The following CEMIP2 variants were observed in gnomAD, a reference collection of about 807,000 sequenced individuals.
CEMIP2 encodes cell migration inducing hyaluronidase 2.
In CEMIP2, 79 loss-of-function variants were observed where a neutral mutation model predicts 146.9. That is an observed-to-expected ratio of 0.54 (90% CI 0.45 to 0.65). CEMIP2 has a LOEUF of 0.65. Among genes scored for constraint, CEMIP2 ranks in the 30% least tolerant of loss-of-function variants. CEMIP2 has a pLI of 0.00. For missense variants in CEMIP2, 1,596 were observed against 1,696.2 expected, an observed-to-expected ratio of 0.94 and a Z score of 1.04; for synonymous variants, 601 against 606.3, an observed-to-expected ratio of 0.99 and a Z score of 0.13.
At chr9:71,697,872 A>C in intron 20 of CEMIP2, 113 bp downstream of exon 20, 2 of 1,079,018 alleles carry the variant, frequency 1.9e-6, no homozygotes, top group Non-Finnish European at 2.6e-6. Context: ...AGGAGATGCC[A>C]TGCAATGTCC....
intron 1 of CEMIP2, among the ~76,000 whole-genome samples, chr9:71,766,802 TTA>T (rs1352043076): frequency 1.3e-5 from 2 of 152,148 alleles, no homozygotes; most frequent in East Asian, 3.8e-4. Context: ...GCTTCTAATC[TTA>T]GTTTTCTGAG....
Position 71,685,769 on chromosome 9 carries a change from G to A in CEMIP2, c.3929C>T (p.Ala1310Val). 1 of 1,613,892 alleles carries A rather than the reference G, an allele frequency of 6.2e-7. No homozygotes were observed. Among genetic ancestry groups the A allele is most frequent in the Non-Finnish European group, 8.5e-7 (1 of 1,179,854 alleles). ...ISHLLVPLGL[A>V]KPAHLYDKGS... ...TTTGTCATAAAGATGAGCTGGTTTG[G>A]CTAATCCCAGAGGTACTAGTAAGTG... The change falls in exon 23 of 24, where the codon GCC (alanine) becomes GTC (valine). Residue 1310 changes from alanine to valine, a missense_variant. By Grantham distance (64) the Ala-to-Val change is moderately conservative. Transcript: ENST00000377044.
intron 5 of CEMIP2, among the ~76,000 whole-genome samples, chr9:71,738,860 C>CAAATAAATT (rs988682213): frequency 2.0e-5 from 3 of 151,798 alleles, no homozygotes; most frequent in Admixed American, 6.6e-5. Flanking sequence ...GACTACTAGA[C>CAAATAAATT]AAATAAATTT....
chr9:71,712,207 C>G lies in CEMIP2; in HGVS notation c.2645G>C (p.Arg882Thr). The G allele has an allele frequency of 6.2e-7, 1 of 1,614,094 alleles. No individual in the cohort carries two copies. The change falls in exon 16 of 24, where the codon AGG (arginine) becomes ACG (threonine). Residue 882 changes from arginine to threonine, a missense_variant. Transcript: ENST00000377044. ...QIYDGPIHLT[R>T]STFKKYVPTP... ...TGGCACATATTTTTTGAAAGTGCTC[C>G]TTGTGAGATGAATGGGCCCATCATA... is the stretch of plus-strand genomic sequence containing the variant.
At position 71,685,145 on chromosome 9, in the gene CEMIP2, A is replaced by G; in HGVS notation, c.*52T>C. 6.8e-7 allele frequency: 1 copy of G among 1,471,614 alleles called. No homozygotes were observed. The highest frequency in any genetic ancestry group is 9.1e-7 in the Non-Finnish European group (1 of 1,095,802). The allele number at this position is 1,471,614 out of a possible 1,614,324, so 91.2% of individuals were successfully genotyped here. ...TGTCATTTTAAAATGCCATAAATTA[A>G]ATAAGTTAGTTCACATTTTTTTTCC... On this transcript the variant is annotated 3_prime_UTR_variant, in exon 24 of 24. Coordinates refer to ENST00000377044, the MANE Select transcript of CEMIP2 (RefSeq NM_013390.3).
chr9:71,700,880 T>C (rs533315310), intron 18 of CEMIP2, 56 bp from the exon 19 acceptor site: 161 of 1,469,906 alleles, frequency 1.1e-4, no homozygotes, highest in Middle Eastern at 7.2e-4. Flanking sequence ...ATCTGTTAAG[T>C]ACTATAGCGT....
intron 2 of CEMIP2, 119 bp from the exon 3 acceptor site, chr9:71,746,460 C>T (rs1824092073): frequency 8.1e-7 from 1 of 1,228,536 alleles, no homozygotes; most frequent in African/African-American, 1.5e-5. Context: ...ATGTTGATTT[C>T]CTGCCATTAG....
At chr9:71,755,086 A>T (rs375268933) in intron 1 of CEMIP2, among the ~76,000 whole-genome samples, 1 of 152,122 alleles carries the variant, frequency 6.6e-6, no homozygotes, top group Non-Finnish European at 1.5e-5. Flanking sequence ...AGAGACTTGT[A>T]TAATTGGTAA....
chr9:71,707,703 C>T (rs1184725862), intron 17 of CEMIP2, among the ~76,000 whole-genome samples: 4 of 152,178 alleles, frequency 2.6e-5, no homozygotes, highest in African/African-American at 7.2e-5. Flanking sequence ...GGAAATAGCA[C>T]AGCACGGATC....
At chr9:71,715,214 C>A in intron 14 of CEMIP2, 125 bp from the exon 15 acceptor site, 7 of 730,254 alleles carry the variant, frequency 9.6e-6, no homozygotes, top group Non-Finnish European at 1.2e-5. Flanking sequence ...TTCTAATACA[C>A]ATTCACAAGT....
intron 21 of CEMIP2, among the ~76,000 whole-genome samples, chr9:71,692,396 T>TCTCTCTCTCTCTCTC (rs1554680001): frequency 6.9e-6 from 1 of 144,552 alleles, no homozygotes; most frequent in African/African-American, 2.6e-5. Flanking sequence ...TCTCTCTCTA[T>TCTCTCTCTCTCTCTC]TACCTAGTAA....
At position 71,709,427 on chromosome 9, in the gene CEMIP2, A is replaced by G. The variant is rs373251436; in HGVS notation, c.2817T>C (p.Asp939=). Reference sequence around the variant, plus strand: ...AGTTCTTATCACCATCCATCTCACAATCTTCAAACCAGGGACCAGGCTTTC... The same window carrying G: ...AGTTCTTATCACCATCCATCTCACAGTCTTCAAACCAGGGACCAGGCTTTC... ...FFGKPGPWFE[D]CEMDGDKNSI... Residue 939 remains aspartate (D), a synonymous_variant, in exon 17 of 24, where the codon GAT becomes GAC. Transcript: ENST00000377044. The G allele has an allele frequency of 2.7e-5, 43 of 1,614,146 alleles. No homozygotes were observed. In the East Asian group the frequency reaches 2.7e-4, roughly 10 times the overall value.
At chr9:71,756,271 C>T (rs1253876145) in intron 1 of CEMIP2, among the ~76,000 whole-genome samples, 1 of 140,830 alleles carries the variant, frequency 7.1e-6, no homozygotes, top group African/African-American at 2.6e-5. Context: ...TATATACACA[C>T]GTATATGTAT....
chr9:71,699,711 C>T (rs1365109589), intron 19 of CEMIP2, among the ~76,000 whole-genome samples: 1 of 152,114 alleles, frequency 6.6e-6, no homozygotes, highest in Non-Finnish European at 1.5e-5. Context: ...TCTACCATGC[C>T]CCCATGCATT....
chr9:71,724,307 A>G (rs990600723), intron 11 of CEMIP2, among the ~76,000 whole-genome samples: 1 of 152,194 alleles, frequency 6.6e-6, no homozygotes, highest in African/African-American at 2.4e-5. Context: ...AAAAGAAAAA[A>G]AAAAATTCCA....
chr9:71,760,932 TC>T (rs1824615615), intron 1 of CEMIP2, among the ~76,000 whole-genome samples: 1 of 152,246 alleles, frequency 6.6e-6, no homozygotes, highest in African/African-American at 2.4e-5. Context: ...TTTCTTTTTC[TC>T]CTTAATTCTT....
Position 71,683,742 on chromosome 9 carries a change from T to C in CEMIP2, c.*1455A>G, listed in dbSNP as rs570167193. 7.9e-5 allele frequency: 12 copies of C among 152,666 alleles called. No individual in the cohort carries two copies. In the South Asian group the frequency reaches 2.3e-3, roughly 29 times the overall value. 9.5% of individuals were successfully genotyped at this position (152,666 alleles called of 1,614,324 possible). A position where few individuals can be genotyped will look rare whatever the true frequency, so the allele number is the denominator to read the frequency against. On this transcript the variant is annotated 3_prime_UTR_variant, in exon 24 of 24. Coordinates refer to ENST00000377044, the MANE Select transcript of CEMIP2 (RefSeq NM_013390.3). ...CTTTGAGGTAGCATATTTTGTAAAG[T>C]CACAGGGCTGCTCTGCAGTTTCTCC...
intron 13 of CEMIP2, among the ~76,000 whole-genome samples, chr9:71,717,127 G>A (rs1479699776): frequency 6.6e-6 from 1 of 152,140 alleles, no homozygotes; most frequent in Non-Finnish European, 1.5e-5. Context: ...AGCTATGATT[G>A]CACCACTGAA....
rs1302838850 is a variant in CEMIP2 at position 71,683,660 on chromosome 9, A to G, written c.*1537T>C. The G allele has an allele frequency of 6.6e-6, 1 of 151,812 alleles. No homozygotes were observed. Among genetic ancestry groups the G allele is most frequent in the African/African-American group, 2.4e-5 (1 of 41,274 alleles). The allele number at this position is 151,812 out of a possible 1,614,324, so 9.4% of individuals were successfully genotyped here. A position where few individuals can be genotyped will look rare whatever the true frequency, so the allele number is the denominator to read the frequency against. On this transcript the variant is annotated 3_prime_UTR_variant, in exon 24 of 24. Coordinates refer to ENST00000377044, the MANE Select transcript of CEMIP2 (RefSeq NM_013390.3). ...ACCAGAAAACAAAAAACTAACTTTG[A>G]TTAAGACATGTGCCCTTAGTAAGGG...
Sources: gnomAD v4.1 joint callset for allele counts (sites outside exome capture counted in the v4.1 genomes callset) on GRCh38, gnomAD v4.1.1 for gene constraint, MANE v1.5 for transcripts, NCBI Gene and HGNC (gene_info 2026-07-23, HGNC 2026-07-21) for gene names.